Variants in OVOL2 observed in about 807,000 individuals in gnomAD.
OVOL2 encodes transcription factor Ovo-like 2.
Under a neutral mutation model 18.1 loss-of-function variants are expected in OVOL2, and 13 were observed. That is an observed-to-expected ratio of 0.72 (90% CI 0.47 to 1.14). OVOL2 has a LOEUF of 1.14. OVOL2 is among the 50% of genes most tolerant of loss of function. The pLI, the probability that OVOL2 is intolerant of heterozygous loss-of-function variation, is 0.00. For missense variants in OVOL2, 335 were observed against 383.0 expected (o/e 0.87, Z 1.05); for synonymous variants, 166 against 162.7 (o/e 1.02, Z -0.16).
chr20:18,058,361 G>A (rs2036849756), upstream of OVOL2, among the ~76,000 whole-genome samples: 1 of 151,946 alleles, frequency 6.6e-6, no homozygotes, highest in Non-Finnish European at 1.5e-5. Context: ...ATTAATAATG[G>A]GGGGTGGGGG....
chr20:18,040,230 T>G (rs535537855), intron 3 of OVOL2, among the ~76,000 whole-genome samples: 1 of 152,258 alleles, frequency 6.6e-6, no homozygotes, highest in Admixed American at 6.5e-5. Context: ...AGCCTGCAGA[T>G]AGTAAATTCT....
At chr20:18,030,515 T>G (rs2036558689) in intron 3 of OVOL2, among the ~76,000 whole-genome samples, 1 of 152,148 alleles carries the variant, frequency 6.6e-6, no homozygotes, top group Non-Finnish European at 1.5e-5. Context: ...CTCAGCCCCA[T>G]GTGCACAGGG....
intron 3 of OVOL2, among the ~76,000 whole-genome samples, chr20:18,030,614 G>T (rs573795286): frequency 6.6e-6 from 1 of 152,338 alleles, no homozygotes; most frequent in African/African-American, 2.4e-5. Context: ...GCAAACGCTA[G>T]AAGATTCCAA....
intron 2 of OVOL2, among the ~76,000 whole-genome samples, chr20:18,045,758 C>T (rs1166672160): frequency 2.0e-5 from 3 of 152,118 alleles, no homozygotes; most frequent in South Asian, 2.1e-4. Context: ...GGATTACAGG[C>T]GTGAGCCACA....
intron 3 of OVOL2, among the ~76,000 whole-genome samples, chr20:18,026,427 G>A (rs2036516570): frequency 6.7e-6 from 1 of 148,358 alleles, no homozygotes; most frequent in Admixed American, 6.8e-5. Context: ...TGTCACCCAG[G>A]TTGGAGTGCA....
Position 18,056,809 on chromosome 20 carries a change from T to C in OVOL2, c.169A>G (p.Ser57Gly), listed in dbSNP as rs1221712886. The change falls in exon 2 of 4, where the codon AGC (serine) becomes GGC (glycine). Residue 57 changes from serine (S) to glycine (G), a missense_variant. Coordinates refer to ENST00000278780, the MANE Select transcript of OVOL2 (RefSeq NM_021220.4). This position sits in a 1 kb window ranked among gnomAD's most constrained non-coding sequence, Gnocchi z 4.2. ...CRSDGGSSSG[S>G]GSSSAGEPGG... The stretch of plus-strand genomic sequence containing the variant: ...GGCTCCCCCGCGCTGCTGCTGCCGC[T>C]GCCGCTGCTGCTGCCGCCGTCGCTG... 2.7e-6 allele frequency: 4 copies of C among 1,491,772 alleles called. No individual in the cohort carries two copies. The highest frequency in any genetic ancestry group is 5.7e-5 in the East Asian group (2 of 35,042). 92.4% of individuals were successfully genotyped at this position (1,491,772 alleles called of 1,614,324 possible).
chr20:18,052,713 T>G (rs2036781486), intron 2 of OVOL2, among the ~76,000 whole-genome samples: 1 of 152,152 alleles, frequency 6.6e-6, no homozygotes. Context: ...CTTAATTTAT[T>G]TTGAAGAACC....
chr20:18,041,388 C>T, intron 3 of OVOL2, 146 bp downstream of exon 3: 2 of 1,029,492 alleles, frequency 1.9e-6, no homozygotes, highest in South Asian at 3.7e-5. Flanking sequence ...TGGTCTCAAA[C>T]TCCTAACCTC....
intron 2 of OVOL2, among the ~76,000 whole-genome samples, chr20:18,046,336 C>G (rs1211447531): frequency 6.6e-6 from 1 of 152,126 alleles, no homozygotes; most frequent in Non-Finnish European, 1.5e-5. Flanking sequence ...GGTGGCAGAA[C>G]CTTACAATTA....
chr20:18,057,838 C>G lies in OVOL2; in HGVS notation c.-204G>C. The stretch of plus-strand genomic sequence containing the variant: ...CTCCCAGCCTCCCGGCTCGGCGACA[C>G]CTATGCCTTAAATCGCGAGTGAGAC... On this transcript the variant is annotated 5_prime_UTR_variant, in exon 1 of 4. Transcript: ENST00000278780. The surrounding 1 kb of genome is among the most constrained non-coding windows in gnomAD (Gnocchi z 6.3). 7.4e-7 allele frequency: 1 copy of G among 1,359,124 alleles called. No homozygotes were observed. Among genetic ancestry groups the G allele is most frequent in the East Asian group, 3.1e-5 (1 of 32,540 alleles). The allele number at this position is 1,359,124 out of a possible 1,614,324, so 84.2% of individuals were successfully genotyped here. A position where few individuals can be genotyped will look rare whatever the true frequency, so the allele number is the denominator to read the frequency against.
At chr20:18,031,069 C>T (rs923813118) in intron 3 of OVOL2, among the ~76,000 whole-genome samples, 1 of 152,200 alleles carries the variant, frequency 6.6e-6, no homozygotes, top group African/African-American at 2.4e-5. Flanking sequence ...CAAAGGCCAA[C>T]CGTGCCTGTG....
chr20:18,029,216 A>T (rs551034704), intron 3 of OVOL2, among the ~76,000 whole-genome samples: 38 of 151,990 alleles, frequency 2.5e-4, no homozygotes, highest in Non-Finnish European at 4.6e-4. Flanking sequence ...TTTAGTAGAG[A>T]CCGGGTTTCA....
intron 2 of OVOL2, among the ~76,000 whole-genome samples, chr20:18,054,791 AGAAAAG>A: frequency 6.6e-6 from 1 of 151,032 alleles, no homozygotes; most frequent in Non-Finnish European, 1.5e-5. Context: ...AAGAAAGAAA[AGAAAAG>A]AAAAGAAAAG....
chr20:18,032,629 C>G (rs1308814522), intron 3 of OVOL2, among the ~76,000 whole-genome samples: 4 of 152,126 alleles, frequency 2.6e-5, no homozygotes, highest in African/African-American at 9.7e-5. Flanking sequence ...ACCTCAGCCT[C>G]CTGAGTAGCT....
chr20:18,030,793 C>T (rs1012335165), intron 3 of OVOL2, among the ~76,000 whole-genome samples: 2 of 152,216 alleles, frequency 1.3e-5, no homozygotes, highest in Non-Finnish European at 2.9e-5. Context: ...TTGCCAAATG[C>T]ACTGCTCTGT....
At chr20:18,031,043 T>C (rs1226403595) in intron 3 of OVOL2, among the ~76,000 whole-genome samples, 2 of 152,112 alleles carry the variant, frequency 1.3e-5, no homozygotes, top group African/African-American at 2.4e-5. Flanking sequence ...GGCTCACCCA[T>C]CTTGGTGCTC....
chr20:18,041,901 C>A (rs6111805), intron 2 of OVOL2, among the ~76,000 whole-genome samples, 178 bp from the exon 3 acceptor site: 37 of 137,230 alleles, frequency 2.7e-4, no homozygotes, highest in Middle Eastern at 7.2e-3. Flanking sequence ...GTTCCTCCCA[C>A]CCTTTTTTTT....
intron 3 of OVOL2, among the ~76,000 whole-genome samples, chr20:18,026,176 C>G (rs1283452382): frequency 6.6e-6 from 1 of 152,168 alleles, no homozygotes; most frequent in East Asian, 1.9e-4. Context: ...ATGATTGGTA[C>G]TCACCCTGAT....
chr20:18,029,878 C>T (rs1193871934), intron 3 of OVOL2, among the ~76,000 whole-genome samples: 1 of 151,990 alleles, frequency 6.6e-6, no homozygotes, highest in Admixed American at 6.6e-5. Flanking sequence ...ACTCAGGAGG[C>T]TAAGGTGGGA....
Sources: allele counts gnomAD v4.1 joint callset (sites outside exome capture counted in the v4.1 genomes callset), GRCh38; gene constraint gnomAD v4.1.1; non-coding constraint Gnocchi (gnomAD v3.1); transcripts MANE v1.5; gene names NCBI Gene and HGNC (gene_info 2026-07-23, HGNC 2026-07-21).